Variants in KPNA3 observed in about 807,000 individuals in gnomAD.
KPNA3 encodes karyopherin subunit alpha 3.
In KPNA3, 13 loss-of-function variants were observed where a neutral mutation model predicts 73.8. That is an observed-to-expected ratio of 0.18 (90% CI 0.11 to 0.28). KPNA3 has a LOEUF of 0.28. Ranked by LOEUF, KPNA3 falls within the 10% of genes least tolerant of loss-of-function variation. The pLI is 1.00. For missense variants in KPNA3, 360 were observed against 618.1 expected, an observed-to-expected ratio of 0.58 and a Z score of 4.43; for synonymous variants, 186 against 206.9, an observed-to-expected ratio of 0.90 and a Z score of 0.87.
chr13:49,709,873 T>C (rs916136531), intron 11 of KPNA3, among the ~76,000 whole-genome samples, 173 bp from the exon 12 acceptor site: 2 of 149,648 alleles, frequency 1.3e-5, no homozygotes, highest in Admixed American at 6.8e-5. Context: ...TAGTCTCTTG[T>C]GAAAAACTGA....
intron 2 of KPNA3, among the ~76,000 whole-genome samples, chr13:49,737,195 C>T (rs1342968960): frequency 6.6e-6 from 1 of 152,114 alleles, no homozygotes; most frequent in Non-Finnish European, 1.5e-5. Flanking sequence ...GAATACAAAT[C>T]TTCCTTTCTC....
At chr13:49,719,487 T>C (rs1352833820) in intron 10 of KPNA3, among the ~76,000 whole-genome samples, 1 of 152,140 alleles carries the variant, frequency 6.6e-6, no homozygotes, top group Non-Finnish European at 1.5e-5. Flanking sequence ...AGGTGTTTCA[T>C]GAGGTTTTAC....
chr13:49,748,753 T>C (rs55739548), intron 1 of KPNA3, among the ~76,000 whole-genome samples: 1,822 of 152,188 alleles, frequency 0.012, 37 homozygotes, highest in African/African-American at 0.042. Context: ...AAAACTATTA[T>C]CCCTGATAAG....
chr13:49,734,950 T>TAGAGAGAGAGAGAGAGAGAGAGAG (rs879944192), intron 2 of KPNA3, among the ~76,000 whole-genome samples: 4 of 76,092 alleles, frequency 5.3e-5, no homozygotes, highest in African/African-American at 1.4e-4. Flanking sequence ...GAGAGAGAGA[T>TAGAGAGAGAGAGAGAGAGAGAGAG]AGATAGAGAG....
In KPNA3 at chr13:49,786,492, G is replaced by C. The variant is rs75519559; in HGVS notation, c.69+5946C>G. Among the ~76,000 whole-genome samples, 17 of 151,820 alleles carry C rather than the reference G, an allele frequency of 1.1e-4. No individual in the cohort carries two copies. The East Asian group carries it at 2.5e-3, about 22-fold the overall frequency. ...GAAAGGCTCATGGAGAACTTTTAAA[G>C]TTTTTTTTTGTTTTTGGTTTTTAAC... On this transcript the variant is annotated intron_variant, in intron 1 of 16. Coordinates refer to ENST00000261667, the MANE Select transcript of KPNA3 (RefSeq NM_002267.4).
intron 2 of KPNA3, among the ~76,000 whole-genome samples, chr13:49,745,468 T>C (rs559982501): frequency 6.6e-6 from 1 of 151,664 alleles, no homozygotes; most frequent in East Asian, 2.0e-4. Context: ...CAAGCAATTC[T>C]CCAGCCTCAG....
intron 14 of KPNA3, 151 bp downstream of exon 14, chr13:49,705,947 C>T: frequency 1.0e-6 from 1 of 966,252 alleles, no homozygotes; most frequent in Admixed American, 2.8e-5. Context: ...GCACTCTAGC[C>T]TGGGCAACAT....
intron 1 of KPNA3, among the ~76,000 whole-genome samples, chr13:49,766,771 T>C (rs1022002552): frequency 2.0e-5 from 3 of 152,038 alleles, no homozygotes; most frequent in Non-Finnish European, 4.4e-5. Flanking sequence ...GGTGGAGAAG[T>C]TTATTAATAA....
At chr13:49,757,831 T>G (rs1251150900) in intron 1 of KPNA3, among the ~76,000 whole-genome samples, 1 of 152,038 alleles carries the variant, frequency 6.6e-6, no homozygotes, top group African/African-American at 2.4e-5. Context: ...ATATAGCAAT[T>G]AAAAGAAACA....
At chr13:49,711,504 G>T (rs1336103096) in intron 10 of KPNA3, among the ~76,000 whole-genome samples, 2 of 152,160 alleles carry the variant, frequency 1.3e-5, no homozygotes, top group African/African-American at 4.8e-5. Context: ...ACCAATAAAA[G>T]AAATGACTTG....
intron 1 of KPNA3, among the ~76,000 whole-genome samples, chr13:49,749,114 A>G (rs188715397): frequency 6.6e-6 from 1 of 152,364 alleles, no homozygotes; most frequent in African/African-American, 2.4e-5. Context: ...TCCAGGCAGC[A>G]TATCTGCTCC....
At chr13:49,755,806 TAAAGA>T (rs1270741103) in intron 1 of KPNA3, among the ~76,000 whole-genome samples, 7 of 151,972 alleles carry the variant, frequency 4.6e-5, no homozygotes, top group African/African-American at 1.4e-4. Flanking sequence ...AAAAATAAAA[TAAAGA>T]AAACAATCAA....
At position 49,701,361 on chromosome 13, in the gene KPNA3, A is replaced by G. The variant is rs1954145897; in HGVS notation, c.*439T>C. The stretch of plus-strand genomic sequence containing the variant: ...GAAAATATGTTTGTGGAGGACAATG[A>G]TGGAGGCTCAGATCACACTGCACCT... On this transcript the variant is annotated 3_prime_UTR_variant, in exon 17 of 17. Coordinates refer to ENST00000261667, the MANE Select transcript of KPNA3 (RefSeq NM_002267.4). 6.7e-6 allele frequency: 2 copies of G among 297,074 alleles called. No homozygotes were observed. The highest frequency in any genetic ancestry group is 9.0e-5 in the East Asian group (1 of 11,096). The allele number at this position is 297,074 out of a possible 1,614,324, so 18.4% of individuals were successfully genotyped here. A position where few individuals can be genotyped will look rare whatever the true frequency, so the allele number is the denominator to read the frequency against.
intron 1 of KPNA3, among the ~76,000 whole-genome samples, chr13:49,772,304 G>C (rs914883451): frequency 2.6e-5 from 4 of 152,144 alleles, no homozygotes; most frequent in African/African-American, 9.7e-5. Flanking sequence ...ATAAGCTGTG[G>C]ATTTTTCAGA....
At chr13:49,721,857 G>T in intron 9 of KPNA3, 98 bp downstream of exon 9, 1 of 768,854 alleles carries the variant, frequency 1.3e-6, no homozygotes, top group African/African-American at 1.8e-5. Flanking sequence ...CACCTGCAAT[G>T]AAATCAGTAT....
chr13:49,766,026 TCTTA>T (rs1435920966), intron 1 of KPNA3, among the ~76,000 whole-genome samples: 1 of 152,214 alleles, frequency 6.6e-6, no homozygotes, highest in Non-Finnish European at 1.5e-5. Flanking sequence ...TCCTCACTGG[TCTTA>T]CTTAATTTAC....
intron 1 of KPNA3, among the ~76,000 whole-genome samples, chr13:49,756,613 C>A (rs1954713906): frequency 6.6e-6 from 1 of 152,140 alleles, no homozygotes; most frequent in Admixed American, 6.5e-5. Context: ...TTGGTAGACT[C>A]AACTTGGTAA....
intron 9 of KPNA3, among the ~76,000 whole-genome samples, chr13:49,720,656 C>T (rs1954346075): frequency 1.3e-5 from 2 of 151,110 alleles, no homozygotes; most frequent in Admixed American, 1.3e-4. Flanking sequence ...CGCTTGAACC[C>T]CGGATGTGGA....
chr13:49,789,295 A>G (rs1469960419), intron 1 of KPNA3, among the ~76,000 whole-genome samples: 1 of 152,160 alleles, frequency 6.6e-6, no homozygotes, highest in East Asian at 1.9e-4. Flanking sequence ...ACCAGTTAAC[A>G]TGCCCCTTTT....
Sources: allele counts gnomAD v4.1 joint callset (sites outside exome capture counted in the v4.1 genomes callset), GRCh38; gene constraint gnomAD v4.1.1; transcripts MANE v1.5; gene names NCBI Gene and HGNC (gene_info 2026-07-23, HGNC 2026-07-21).